The following SOX5 variants were observed in gnomAD, a reference collection of about 807,000 sequenced individuals.
SOX5 encodes the protein SRY-box transcription factor 5.
In SOX5, 9 loss-of-function variants were observed where a neutral mutation model predicts 92.0. The ratio of observed to expected loss-of-function variants is 0.10; its 90% CI spans 0.06 to 0.17. The LOEUF is 0.17. Ranked by LOEUF, SOX5 falls within the 10% of genes least tolerant of loss-of-function variation. SOX5 has a pLI of 1.00. For synonymous variants in SOX5, 344 were observed against 336.3 expected (o/e 1.02, Z -0.25); for missense variants, 642 against 944.5 (o/e 0.68, Z 4.20).
chr12:23,956,069 G>A (rs1339083925), intron 4 of SOX5, among the ~76,000 whole-genome samples: 1 of 152,080 alleles, frequency 6.6e-6, no homozygotes, highest in African/African-American at 2.4e-5. Flanking sequence ...GGAGAAATGA[G>A]AGTTAAACCT....
chr12:23,765,955 C>G (rs1045457625), intron 3 of SOX5, among the ~76,000 whole-genome samples: 5 of 152,098 alleles, frequency 3.3e-5, no homozygotes, highest in Non-Finnish European at 1.5e-5. Flanking sequence ...GAAGATACAC[C>G]AATTGTGACC....
intron 4 of SOX5, among the ~76,000 whole-genome samples, chr12:24,050,765 T>C (rs986849320): frequency 1.3e-5 from 2 of 152,174 alleles, no homozygotes; most frequent in Non-Finnish European, 2.9e-5. Flanking sequence ...TTATGATTGT[T>C]ATGAGGTAAG....
In SOX5 at chr12:23,583,912, C is replaced by A. The variant is rs145723138; in HGVS notation, c.1165-8074G>T. 1.1e-3 allele frequency among the ~76,000 whole-genome samples: 170 copies of A among 152,148 alleles called. 1 individual carries two copies. The highest frequency in any genetic ancestry group is 3.8e-3 in the African/African-American group (156 of 41,522). ...ATACAAACATAAGCCAAGAACTACA[C>A]AACTGTTTAATGATGGAATAGATTA... On this transcript the variant is annotated intron_variant, in intron 9 of 14. Transcript: ENST00000451604.
At position 24,372,900 on chromosome 12, in the gene SOX5, G is replaced by C. The variant is rs149491696; in HGVS notation, c.-250-4261C>G. On this transcript the variant is annotated intron_variant, in intron 1 of 4. Coordinates refer to the SOX5 transcript ENST00000446891. ...TGGGAGGCCAAGGTGGGTCGCCTGA[G>C]CTCAGGAGTTCAAGACCAGCCTGGG... Among the ~76,000 whole-genome samples, 4 of 148,580 alleles carry C rather than the reference G, an allele frequency of 2.7e-5. No homozygotes were observed. In the East Asian group the frequency reaches 7.9e-4, roughly 29 times the overall value.
At chr12:24,510,287 G>T (rs1949186382) in intron 1 of SOX5, among the ~76,000 whole-genome samples, 1 of 152,152 alleles carries the variant, frequency 6.6e-6, no homozygotes, top group South Asian at 2.1e-4. Flanking sequence ...AAAAATGAGA[G>T]GATATTCCAC....
intron 1 of SOX5, among the ~76,000 whole-genome samples, chr12:24,371,960 C>A (rs988179671): frequency 6.6e-6 from 1 of 150,646 alleles, no homozygotes; most frequent in Non-Finnish European, 1.5e-5. Context: ...TGCACTCTAG[C>A]GTGGGTGACA....
At chr12:23,772,759 G>A (rs2094974847) in intron 3 of SOX5, among the ~76,000 whole-genome samples, 1 of 152,000 alleles carries the variant, frequency 6.6e-6, no homozygotes, top group African/African-American at 2.4e-5. Context: ...GCAATTTAAG[G>A]TATTAAATGA....
intron 1 of SOX5, among the ~76,000 whole-genome samples, chr12:24,478,864 C>T (rs1442302356): frequency 6.6e-6 from 1 of 152,158 alleles, no homozygotes; most frequent in African/African-American, 2.4e-5. Flanking sequence ...TGAAACTTTC[C>T]TGAAAGAATT....
intron 4 of SOX5, among the ~76,000 whole-genome samples, chr12:24,095,120 CACACACACAGAGAGAGAG>C (rs773783094): frequency 0.013 from 1,300 of 102,130 alleles, 13 homozygotes; most frequent in Middle Eastern, 0.019. Flanking sequence ...CACACACACA[CACACACACAGAGAGAGAG>C]AGAGAGAGAG....
intron 4 of SOX5, among the ~76,000 whole-genome samples, chr12:24,134,320 C>A (rs1949920346): frequency 6.6e-6 from 1 of 152,132 alleles, no homozygotes; most frequent in African/African-American, 2.4e-5. Context: ...AATTCTGCAA[C>A]AGAGAACACT....
intron 2 of SOX5, among the ~76,000 whole-genome samples, chr12:24,287,312 A>G (rs1945995152): frequency 6.6e-6 from 1 of 151,844 alleles, no homozygotes; most frequent in Non-Finnish European, 1.5e-5. Flanking sequence ...TAAAGCAGCA[A>G]TATTCATTTT....
At chr12:23,575,187 A>G (rs2136677379) in intron 10 of SOX5, among the ~76,000 whole-genome samples, 2 of 152,310 alleles carry the variant, frequency 1.3e-5, no homozygotes, top group Admixed American at 1.3e-4. Context: ...ACTCTTTATA[A>G]TACTTTGGTG....
intron 3 of SOX5, among the ~76,000 whole-genome samples, chr12:23,787,809 G>A (rs1290822270): frequency 1.3e-5 from 2 of 151,588 alleles, no homozygotes; most frequent in Admixed American, 6.6e-5. Context: ...TAAAATAAGG[G>A]TTATAAAATT....
intron 1 of SOX5, among the ~76,000 whole-genome samples, chr12:24,371,341 T>C (rs7956372): frequency 0.079 from 11,999 of 151,534 alleles, 524 homozygotes; most frequent in Middle Eastern, 0.11. Flanking sequence ...GACAGATTTT[T>C]CCCCCCCAGG....
At chr12:23,892,157 A>T (rs1283292183) in intron 2 of SOX5, among the ~76,000 whole-genome samples, 1 of 152,186 alleles carries the variant, frequency 6.6e-6, no homozygotes. Context: ...TATATAAATA[A>T]TTCTCATGGA....
chr12:23,769,665 T>C (rs1333057178), intron 3 of SOX5, among the ~76,000 whole-genome samples: 3 of 152,192 alleles, frequency 2.0e-5, no homozygotes, highest in Non-Finnish European at 4.4e-5. Context: ...ATATGTTGAA[T>C]TGTATCTTCT....
chr12:24,477,884 C>A (rs1229720287), intron 1 of SOX5, among the ~76,000 whole-genome samples: 3 of 151,840 alleles, frequency 2.0e-5, no homozygotes, highest in Admixed American at 1.3e-4. Flanking sequence ...CTTTTGAAGT[C>A]TATTAAAACA....
chr12:23,845,115 A>C (rs1051858826), intron 3 of SOX5, among the ~76,000 whole-genome samples: 2 of 152,220 alleles, frequency 1.3e-5, no homozygotes. Context: ...AACAGACTAG[A>C]AATGAGCCCA....
chr12:23,701,442 CTT>C (rs2090616438), intron 6 of SOX5, among the ~76,000 whole-genome samples: 1 of 151,856 alleles, frequency 6.6e-6, no homozygotes, highest in Non-Finnish European at 1.5e-5. Flanking sequence ...CTGCAAAATC[CTT>C]TTCTCTCTTC....
Sources: allele counts gnomAD v4.1 joint callset (sites outside exome capture counted in the v4.1 genomes callset), GRCh38; gene constraint gnomAD v4.1.1; transcripts MANE v1.5; gene names NCBI Gene and HGNC (gene_info 2026-07-23, HGNC 2026-07-21).